Variants in PCDHGA2 observed in about 807,000 individuals in gnomAD.
PCDHGA2 encodes protocadherin gamma subfamily A, 2.
In PCDHGA2, 40 loss-of-function variants were observed where a neutral mutation model predicts 59.2. The ratio of observed to expected loss-of-function variants is 0.68; its 90% CI spans 0.52 to 0.88. The LOEUF (loss-of-function observed/expected upper bound fraction) is 0.88. Ranked by LOEUF, PCDHGA2 falls within the 40% of genes least tolerant of loss-of-function variation. The probability of loss-of-function intolerance (pLI) is 0.00; values close to 1 mark genes in which losing one functional copy is unlikely to be tolerated. For missense variants in PCDHGA2, 1,226 were observed against 1,204.0 expected, an observed-to-expected ratio of 1.02 and a Z score of -0.27; for synonymous variants, 560 against 526.0, an observed-to-expected ratio of 1.06 and a Z score of -0.89.
intron 1 of PCDHGA2, among the ~76,000 whole-genome samples, chr5:141,466,725 G>A (rs1184472416): frequency 2.6e-5 from 4 of 152,024 alleles, no homozygotes; most frequent in Non-Finnish European, 5.9e-5. Context: ...TTCCATTTTA[G>A]CAGAATTCAT....
rs70988800 is a variant in PCDHGA2 at position 141,379,889 on chromosome 5, C to CTTTTTTTTTTTTTTTTTTTTTT, written c.2424+38503_2424+38524dup. On this transcript the variant is annotated intron_variant, in intron 1 of 3. Coordinates refer to ENST00000394576, the MANE Select transcript of PCDHGA2 (RefSeq NM_018915.4). ...CTTATTTTATGGTCTGTGAAAGCCT[C>CTTTTTTTTTTTTTTTTTTTTTT]TTTTTTTTTTTTTTTTTTTTTTTTT... Among the ~76,000 whole-genome samples the CTTTTTTTTTTTTTTTTTTTTTT allele has an allele frequency of 1.7e-3, 88 of 50,830 alleles. 16 individuals carry two copies. The highest frequency in any genetic ancestry group is 2.3e-3 in the Non-Finnish European group (60 of 25,884). 33.3% of individuals were successfully genotyped at this position (50,830 alleles called of 152,430 possible).
rs529687184 is a variant in PCDHGA2, at chr5:141,365,180, G to A, written c.2424+23785G>A. 3.0e-5 allele frequency: 48 copies of A among 1,613,844 alleles called. No homozygotes were observed. In the East Asian group the frequency reaches 1.0e-3, roughly 35 times the overall value. ...GAAATTGACCTACTCTTTTCGCAATGAAGAAGAAAAAATTTCGGAGACTTT... is the reference window on the plus strand; with the variant it reads ...GAAATTGACCTACTCTTTTCGCAATAAAGAAGAAAAAATTTCGGAGACTTT... On this transcript the variant is annotated intron_variant, in intron 1 of 3. Coordinates refer to ENST00000394576, the MANE Select transcript of PCDHGA2 (RefSeq NM_018915.4).
rs148675327 is a variant in PCDHGA2 at position 141,477,019 on chromosome 5, C to A, written c.2425-17788C>A. On this transcript the variant is annotated intron_variant, in intron 1 of 3. Coordinates refer to ENST00000394576, the MANE Select transcript of PCDHGA2 (RefSeq NM_018915.4). The surrounding 1 kb of genome is among the most constrained non-coding windows in gnomAD (Gnocchi z 4.9). ...AACTATTCGCCTTAGACCTTGTAAC[C>A]GGGATGCTGACAATCAAGGGTCGGC... The A allele has an allele frequency of 1.7e-5, 28 of 1,614,124 alleles. No individual in the cohort carries two copies. The African/African-American group carries it at 2.5e-4, about 15-fold the overall frequency.
At chr5:141,374,592 T>C in intron 1 of PCDHGA2, 1 of 1,613,700 alleles carries the variant, frequency 6.2e-7, no homozygotes, top group Admixed American at 1.7e-5. Context: ...CTTCAGGGAT[T>C]TAAGCTCAGT....
rs1176011355 is a variant in PCDHGA2, at chr5:141,485,491, G to C, written c.2425-9316G>C. Reference sequence around the variant, plus strand: ...TCAGTGCCAGCTGCATCGTGCCCCTGGAGTTTGTCACCGAAGGTCCTTTGG... The same window carrying C: ...TCAGTGCCAGCTGCATCGTGCCCCTCGAGTTTGTCACCGAAGGTCCTTTGG... On this transcript the variant is annotated intron_variant, in intron 1 of 3. Coordinates refer to ENST00000394576, the MANE Select transcript of PCDHGA2 (RefSeq NM_018915.4). This position sits in a 1 kb window ranked among gnomAD's most constrained non-coding sequence, Gnocchi z 5.7. 6.2e-7 allele frequency: 1 copy of C among 1,614,142 alleles called. No homozygotes were observed. The highest frequency in any genetic ancestry group is 1.3e-5 in the African/African-American group (1 of 75,018).
intron 1 of PCDHGA2, chr5:141,405,078 T>G: frequency 6.2e-7 from 1 of 1,613,888 alleles, no homozygotes; most frequent in Non-Finnish European, 8.5e-7. Flanking sequence ...ACCTTCGTTA[T>G]CACGCTGCTG....
intron 1 of PCDHGA2, chr5:141,390,048 T>C (rs1307418187): frequency 1.2e-6 from 2 of 1,613,948 alleles, no homozygotes; most frequent in African/African-American, 1.3e-5. Context: ...CCCCGCCTCC[T>C]GGAGCTGCTT....
chr5:141,341,544 T>C (rs891707765), intron 1 of PCDHGA2, 149 bp downstream of exon 1: 2 of 1,444,328 alleles, frequency 1.4e-6, no homozygotes, highest in Non-Finnish European at 1.8e-6. Flanking sequence ...TCTTGGTAGG[T>C]CTTAGTGTTC....
At chr5:141,430,909 G>A (rs1054175762) in intron 1 of PCDHGA2, 2 of 1,607,160 alleles carry the variant, frequency 1.2e-6, no homozygotes, top group Non-Finnish European at 1.7e-6. Context: ...ACATCTCCAG[G>A]GACCTGGGGC....
chr5:141,414,078 T>C lies in PCDHGA2; in HGVS notation c.2424+72683T>C, dbSNP rs777190406. 3.1e-6 allele frequency: 5 copies of C among 1,603,326 alleles called. No individual in the cohort carries two copies. In the South Asian group the frequency reaches 4.5e-5, roughly 14 times the overall value. ...TGTTGAAGTTCCAACTAAACAAATA[T>C]ACTGGAGAAATAAAAATATCAGAAA... On this transcript the variant is annotated intron_variant, in intron 1 of 3. Transcript: ENST00000394576.
At chr5:141,380,830 A>T (rs1205839306) in intron 1 of PCDHGA2, among the ~76,000 whole-genome samples, 1 of 152,264 alleles carries the variant, frequency 6.6e-6, no homozygotes, top group Non-Finnish European at 1.5e-5. Flanking sequence ...ATTTTGAGGC[A>T]TCAGGTAAAA....
intron 1 of PCDHGA2, chr5:141,408,226 G>T (rs909432449): frequency 2.1e-5 from 33 of 1,562,288 alleles, no homozygotes; most frequent in Admixed American, 3.9e-5. Flanking sequence ...GCGCGCAGAG[G>T]CGCCGGGCCG....
intron 1 of PCDHGA2, chr5:141,414,606 A>C: frequency 6.2e-7 from 1 of 1,613,944 alleles, no homozygotes; most frequent in Non-Finnish European, 8.5e-7. Flanking sequence ...CCATCTTCTC[A>C]GTGACAGCGC....
At chr5:141,414,396 A>G in intron 1 of PCDHGA2, 1 of 1,613,884 alleles carries the variant, frequency 6.2e-7, no homozygotes, top group Non-Finnish European at 8.5e-7. Flanking sequence ...GTTATTACAG[A>G]TTGGTGATAC....
intron 1 of PCDHGA2, chr5:141,420,475 A>G (rs1590231324): frequency 3.0e-6 from 2 of 665,126 alleles, no homozygotes; most frequent in Admixed American, 7.8e-5. Context: ...ATTTTAAAGC[A>G]AACTACATGG....
At chr5:141,389,571 C>T (rs2091830159) in intron 1 of PCDHGA2, 2 of 1,613,136 alleles carry the variant, frequency 1.2e-6, no homozygotes, top group East Asian at 2.2e-5. Context: ...GGTGCTGTAC[C>T]CCGCGCTGGG....
chr5:141,410,579 G>A (rs760249748), intron 1 of PCDHGA2: 17 of 1,610,792 alleles, frequency 1.1e-5, no homozygotes, highest in Non-Finnish European at 1.4e-5. Context: ...TCCACCTCAT[G>A]GTGGGGAGGA....
intron 1 of PCDHGA2, among the ~76,000 whole-genome samples, chr5:141,461,253 C>A (rs1358900194): frequency 6.6e-6 from 1 of 152,108 alleles, no homozygotes; most frequent in Non-Finnish European, 1.5e-5. Flanking sequence ...ATATTCCCAG[C>A]AGCAATGTGT....
At chr5:141,402,930 G>A (rs1260331134) in intron 1 of PCDHGA2, 1 of 1,584,094 alleles carries the variant, frequency 6.3e-7, no homozygotes, top group Non-Finnish European at 8.6e-7. Flanking sequence ...ATCCTTTTGA[G>A]AAAATTCCAA....
Sources: gnomAD v4.1 joint callset for allele counts (sites outside exome capture counted in the v4.1 genomes callset) on GRCh38, gnomAD v4.1.1 for gene constraint, Gnocchi (gnomAD v3.1) non-coding constraint, MANE v1.5 for transcripts, NCBI Gene and HGNC (gene_info 2026-07-23, HGNC 2026-07-21) for gene names.